RPF2: variants seen among roughly 807,000 people sequenced by gnomAD.
The protein encoded by RPF2 is brix domain containing 1.
A neutral mutation model predicts 38.9 loss-of-function variants in RPF2; 21 were observed. The ratio of observed to expected loss-of-function variants is 0.54; its 90% CI spans 0.38 to 0.78. The LOEUF is 0.78. RPF2 is among the 30% of genes least tolerant of loss of function. RPF2 has a pLI of 0.00. For synonymous variants in RPF2, 121 were observed against 126.2 expected, an observed-to-expected ratio of 0.96 and a Z score of 0.28; for missense variants, 314 against 358.1, an observed-to-expected ratio of 0.88 and a Z score of 0.99.
rs966683132 is a variant in RPF2 at position 110,999,573 on chromosome 6, A to G, written c.317-138A>G. On this transcript the variant is annotated intron_variant, in intron 5 of 9. Coordinates refer to ENST00000441448, the MANE Select transcript of RPF2 (RefSeq NM_032194.3). ...CAATAAGTAGAGTTGAAAATGTAAG[A>G]AAGTGGGATATGTTTGCGGGGGTAT... 7.5e-6 allele frequency: 4 copies of G among 530,636 alleles called. No individual in the cohort carries two copies. The African/African-American group carries it at 7.5e-5, about 10-fold the overall frequency. The allele number at this position is 530,636 out of a possible 1,614,324, so 32.9% of individuals were successfully genotyped here.
At chr6:110,991,373 A>T (rs3851219) in intron 3 of RPF2, among the ~76,000 whole-genome samples, 1 of 149,224 alleles carries the variant, frequency 6.7e-6, no homozygotes, top group African/African-American at 2.5e-5. Context: ...TCACTGTTGT[A>T]AGCCACTGTG....
At chr6:111,017,050 T>C (rs371620809) in intron 8 of RPF2, among the ~76,000 whole-genome samples, 1 of 152,204 alleles carries the variant, frequency 6.6e-6, no homozygotes, top group Non-Finnish European at 1.5e-5. Context: ...TTTCTTAGTA[T>C]AGAACAAAAT....
rs754731328 is a variant in RPF2 at position 110,994,732 on chromosome 6, T to TACACACACACACACACAC, written c.235-2450_235-2449insCACACACACACACACACA. 8.1e-4 allele frequency among the ~76,000 whole-genome samples: 83 copies of TACACACACACACACACAC among 101,934 alleles called. 1 individual carries two copies. Among genetic ancestry groups the TACACACACACACACACAC allele is most frequent in the African/African-American group, 3.3e-3 (76 of 23,258 alleles). The allele number at this position is 101,934 out of a possible 152,430, so 66.9% of individuals were successfully genotyped here. A position where few individuals can be genotyped will look rare whatever the true frequency, so the allele number is the denominator to read the frequency against. ...CTTTGTGGAGAATGGGATGAGTATA[T>TACACACACACACACACAC]ATACACACACACACACACACACACA... On this transcript the variant is annotated intron_variant, in intron 4 of 9. Coordinates refer to ENST00000441448, the MANE Select transcript of RPF2 (RefSeq NM_032194.3).
chr6:111,006,763 T>C (rs1056416083), intron 6 of RPF2, among the ~76,000 whole-genome samples: 3 of 152,086 alleles, frequency 2.0e-5, no homozygotes, highest in Non-Finnish European at 4.4e-5. Flanking sequence ...CTCACCAGCA[T>C]GCCCAGCTAA....
chr6:111,004,222 G>A (rs913024303), intron 6 of RPF2, among the ~76,000 whole-genome samples: 3 of 151,402 alleles, frequency 2.0e-5, no homozygotes, highest in South Asian at 2.1e-4. Context: ...TCACACTGTC[G>A]CCCAGGCTGG....
rs759327601 is a variant in RPF2 at position 110,999,759 on chromosome 6, A to G, written c.365A>G (p.Glu122Gly). 2.6e-5 allele frequency: 41 copies of G among 1,596,476 alleles called. No homozygotes were observed. The highest frequency in any genetic ancestry group is 3.3e-5 in the Non-Finnish European group (38 of 1,164,330). The change falls in exon 6 of 10, where the codon GAG becomes GGG. Residue 122 changes from glutamate to glycine, a missense_variant. Transcript: ENST00000441448. Reference protein sequence around the residue: ...HVLDMIELGIENFVSLKDIKN... With the variant: ...HVLDMIELGIGNFVSLKDIKN... ...CTGGATATGATTGAATTAGGTATTG[A>G]GAATTTTGTCTCTCTAAAAGACATT...
Position 111,019,629 on chromosome 6 carries a change from C to T in RPF2, c.596+3773C>T, listed in dbSNP as rs186432073. 5.8e-4 allele frequency among the ~76,000 whole-genome samples: 88 copies of T among 151,614 alleles called. 1 individual carries two copies. The East Asian group carries it at 0.011, about 19-fold the overall frequency. On this transcript the variant is annotated intron_variant, in intron 8 of 9. Transcript: ENST00000441448. ...GTAGGCGCCTGTAATCCTAGCTACT[C>T]GGGAGGCTGAGGCTGGAGAATTGCT...
intron 2 of RPF2, among the ~76,000 whole-genome samples, chr6:110,985,886 C>T (rs9400444): frequency 0.25 from 36,675 of 146,176 alleles, 5,175 homozygotes; most frequent in East Asian, 0.65. Context: ...CACAGTCAGT[C>T]GAGATTGTGC....
chr6:110,988,946 G>C (rs764921517), intron 2 of RPF2, 82 bp from the exon 3 acceptor site: 25 of 1,509,610 alleles, frequency 1.7e-5, no homozygotes, highest in Non-Finnish European at 2.7e-6. Flanking sequence ...CAATCTTGGA[G>C]AGTGACTGTT....
In RPF2 at chr6:111,027,056, GAC is replaced by G. The variant is rs1772344540; in HGVS notation, c.*1476_*1477del. ...CCACGCCTGGCTGATTTTTTGTAGA[GAC>G]AGGGTTTCACTTCAATTCCATGTTA... is the stretch of plus-strand genomic sequence containing the variant. On this transcript the variant is annotated 3_prime_UTR_variant, in exon 10 of 10. Coordinates refer to ENST00000441448, the MANE Select transcript of RPF2 (RefSeq NM_032194.3). The G allele has an allele frequency of 6.6e-6, 1 of 152,124 alleles. No individual in the cohort carries two copies. Among genetic ancestry groups the G allele is most frequent in the Admixed American group, 6.6e-5 (1 of 15,248 alleles). The allele number at this position is 152,124 out of a possible 1,614,324, so 9.4% of individuals were successfully genotyped here.
intron 8 of RPF2, among the ~76,000 whole-genome samples, chr6:111,023,055 C>A (rs535642372): frequency 1.3e-5 from 2 of 152,140 alleles, no homozygotes; most frequent in African/African-American, 4.8e-5. Flanking sequence ...TGTGCCACCA[C>A]GCCTGGCTAA....
At chr6:110,991,948 T>C (rs1398965608) in intron 4 of RPF2, among the ~76,000 whole-genome samples, 162 bp downstream of exon 4, 14 of 152,182 alleles carry the variant, frequency 9.2e-5, no homozygotes, top group Admixed American at 1.3e-4. Flanking sequence ...AAAATATCTA[T>C]AGAGCTTTCA....
At chr6:110,993,833 C>T (rs934100027) in intron 4 of RPF2, among the ~76,000 whole-genome samples, 3 of 152,320 alleles carry the variant, frequency 2.0e-5, no homozygotes, top group South Asian at 2.1e-4. Context: ...CAATTTTCTC[C>T]TCCTGACCCT....
intron 6 of RPF2, among the ~76,000 whole-genome samples, chr6:111,004,286 G>A (rs1043395086): frequency 6.6e-6 from 1 of 151,352 alleles, no homozygotes; most frequent in African/African-American, 2.4e-5. Flanking sequence ...GGGTTCACGC[G>A]ATTCTCCTGC....
intron 1 of RPF2, among the ~76,000 whole-genome samples, chr6:110,983,960 C>T (rs1276738264): frequency 3.3e-5 from 5 of 151,926 alleles, no homozygotes; most frequent in Admixed American, 6.6e-5. Context: ...ACCTGGGAGA[C>T]GGAGCTTGCA....
At chr6:110,998,184 C>T (rs1562369005) in intron 5 of RPF2, among the ~76,000 whole-genome samples, 1 of 152,164 alleles carries the variant, frequency 6.6e-6, no homozygotes, top group African/African-American at 2.4e-5. Context: ...GGATTACAGG[C>T]GTGAGCCAGC....
At chr6:110,983,857 G>C (rs1328791756) in intron 1 of RPF2, among the ~76,000 whole-genome samples, 1 of 151,882 alleles carries the variant, frequency 6.6e-6, no homozygotes, top group Non-Finnish European at 1.5e-5. Flanking sequence ...GTGAAACCTC[G>C]TCTGTACTAA....
At position 111,027,557 on chromosome 6, in the gene RPF2, C is replaced by T. The variant is rs1046207516; in HGVS notation, c.*1975C>T. On this transcript the variant is annotated 3_prime_UTR_variant, in exon 10 of 10. Transcript: ENST00000441448. Reference sequence around the variant, plus strand: ...TCACCAGCCGCTTACGGGACCCTGCCATGCCTGGACCCCTCTATCAGGAAG... The same window carrying T: ...TCACCAGCCGCTTACGGGACCCTGCTATGCCTGGACCCCTCTATCAGGAAG... 4.6e-5 allele frequency: 7 copies of T among 152,318 alleles called. No homozygotes were observed. The highest frequency in any genetic ancestry group is 3.4e-3 in the Middle Eastern group (1 of 294). 9.4% of individuals were successfully genotyped at this position (152,318 alleles called of 1,614,324 possible). A position where few individuals can be genotyped will look rare whatever the true frequency, so the allele number is the denominator to read the frequency against.
At chr6:111,007,251 GTGTTA>G (rs759068509) in intron 6 of RPF2, among the ~76,000 whole-genome samples, 16 of 152,148 alleles carry the variant, frequency 1.1e-4, no homozygotes, top group Non-Finnish European at 1.6e-4. Context: ...TGGTTGTGTT[GTGTTA>G]TGTTTTGTTT....
Sources: gnomAD v4.1 joint callset for allele counts (sites outside exome capture counted in the v4.1 genomes callset) on GRCh38, gnomAD v4.1.1 for gene constraint, MANE v1.5 for transcripts, NCBI Gene and HGNC (gene_info 2026-07-23, HGNC 2026-07-21) for gene names.